ASMTL: variants seen among roughly 807,000 people sequenced by gnomAD.
ASMTL encodes the protein probable bifunctional dTTP/UTP pyrophosphatase/methyltransferase protein.
ASMTL carries 57 observed loss-of-function variants against 60.3 expected under a neutral mutation model. The observed-to-expected ratio is 0.95, with a 90% CI of 0.76 to 1.18. The LOEUF (loss-of-function observed/expected upper bound fraction) is 1.18. Ranked by LOEUF, ASMTL falls within the 50% of genes most tolerant of loss-of-function variation. ASMTL has a pLI of 0.00. For synonymous variants in ASMTL, 419 were observed against 373.0 expected (o/e 1.12, Z -1.42); for missense variants, 981 against 852.6 (o/e 1.15, Z -1.88).
At chrX:1,421,254 C>T (rs558912576) in intron 9 of ASMTL, among the ~76,000 whole-genome samples, 7 of 152,202 alleles carry the variant, frequency 4.6e-5, no homozygotes, top group African/African-American at 1.7e-4. Context: ...GCTCATGCCA[C>T]CATGCCCAGC....
At chrX:1,452,724 GC>G (rs754774516) in intron 1 of ASMTL, 23 bp downstream of exon 1, 2 of 1,568,158 alleles carry the variant, frequency 1.3e-6, no homozygotes, top group Admixed American at 1.8e-5. Flanking sequence ...CCGGTCCCCT[GC>G]CCCGCCCAGG....
chrX:1,412,795 G>A lies in ASMTL; in HGVS notation c.1582C>T (p.His528Tyr). The A allele has an allele frequency of 6.2e-7, 1 of 1,613,976 alleles. No individual in the cohort carries two copies. Among genetic ancestry groups the A allele is most frequent in the Non-Finnish European group, 8.5e-7 (1 of 1,179,854 alleles). Residue 528 changes from histidine (H) to tyrosine (Y), a missense_variant, in exon 12 of 13, where the codon CAT (histidine) becomes TAT (tyrosine). By Grantham distance (83) the His-to-Tyr change is moderately conservative. Transcript: ENST00000381317. Reference sequence around the variant, plus strand: ...TGGACTTTGTCGTCTGGCCAGTCATGCAGGATCCGGCACAGGACGTACAGC... The same window carrying A: ...TGGACTTTGTCGTCTGGCCAGTCATACAGGATCCGGCACAGGACGTACAGC... Reference protein sequence around the residue: ...AELYVLCRILHDWPDDKVHKL... With the variant: ...AELYVLCRILYDWPDDKVHKL...
rs1368394264 is a variant in ASMTL at position 1,418,078 on chromosome X, ACTCACGGGCCAG to A, written c.1405_1416del (p.Leu469_Glu472del). The A allele has an allele frequency of 6.2e-7, 1 of 1,612,316 alleles. No homozygotes were observed. Among genetic ancestry groups the A allele is most frequent in the East Asian group, 2.2e-5 (1 of 44,854 alleles). On this transcript the variant is annotated inframe_deletion, in exon 11 of 13. Transcript: ENST00000381317. Reference sequence around the variant, plus strand: ...AACACAGTCACCTGCATACGAGGGTACTCACGGGCCAGCTCTCGGGCCAGTGCACCCGTGCAG... The same window carrying A: ...AACACAGTCACCTGCATACGAGGGTACTCTCGGGCCAGTGCACCCGTGCAG...
rs767258476 is a variant in ASMTL at position 1,435,748 on chromosome X, C to A, written c.284G>T (p.Gly95Val). ...GTCCACCGGCTTCTCCAGAATCAGC[C>A]CCCCGACTGTCTGTGAGAGGAAGGG... ...IGADTIVTVG[G>V]LILEKPVDKQ... Residue 95 changes from glycine to valine, a missense_variant, in exon 4 of 13, where the codon GGG (glycine) becomes GTG (valine). By Grantham distance (109) the Gly-to-Val change is moderately radical. Transcript: ENST00000381317. 15 of 1,613,554 alleles carry A rather than the reference C, an allele frequency of 9.3e-6. No individual in the cohort carries two copies. In the African/African-American group the frequency reaches 1.6e-4, roughly 17 times the overall value.
rs182363752 is a variant in ASMTL at position 1,411,573 on chromosome X, G to C, written c.1645+1159C>G. Among the ~76,000 whole-genome samples, 349 of 152,242 alleles carry C rather than the reference G, an allele frequency of 2.3e-3. 1 individual carries two copies. The highest frequency in any genetic ancestry group is 4.6e-3 in the Admixed American group (70 of 15,284). ...AAGGCTTTGAGCCGAGATGGTGCGT[G>C]CTGTGTGTGTGTGCACGTGTGTCTG... On this transcript the variant is annotated intron_variant, in intron 12 of 12. Coordinates refer to ENST00000381317, the MANE Select transcript of ASMTL (RefSeq NM_004192.4).
At chrX:1,405,340 T>G (rs1391329496) in intron 12 of ASMTL, among the ~76,000 whole-genome samples, 2 of 150,710 alleles carry the variant, frequency 1.3e-5, no homozygotes, top group Non-Finnish European at 2.9e-5. Flanking sequence ...GTTAGGTGGA[T>G]GGATAGATGG....
In ASMTL at chrX:1,419,582, G is replaced by C. The variant is rs773207090; in HGVS notation, c.1246-468C>G. 9.2e-5 allele frequency among the ~76,000 whole-genome samples: 14 copies of C among 152,052 alleles called. No individual in the cohort carries two copies. In the South Asian group the frequency reaches 2.7e-3, roughly 29 times the overall value. On this transcript the variant is annotated intron_variant, in intron 9 of 12. Coordinates refer to ENST00000381317, the MANE Select transcript of ASMTL (RefSeq NM_004192.4). ...GTGTGCAGAGGAGAAGCTCCTCCGAGCTTCTCCAAGTCCCCCCAGTGGCAC... is the reference window on the plus strand; with the variant it reads ...GTGTGCAGAGGAGAAGCTCCTCCGACCTTCTCCAAGTCCCCCCAGTGGCAC...
In ASMTL at chrX:1,405,625, AATGG is replaced by A. The variant is rs1384182581; in HGVS notation, c.1646-2140_1646-2137del. 2.5e-5 allele frequency among the ~76,000 whole-genome samples: 3 copies of A among 120,446 alleles called. No individual in the cohort carries two copies. In the East Asian group the frequency reaches 8.1e-4, roughly 33 times the overall value. 79.0% of individuals were successfully genotyped at this position (120,446 alleles called of 152,430 possible). On this transcript the variant is annotated intron_variant, in intron 12 of 12. Coordinates refer to ENST00000381317, the MANE Select transcript of ASMTL (RefSeq NM_004192.4). ...TAGATGATGGGTAGGTAGATAGATGAATGGATGGATAGATGGATGCATGGATGAG... is the reference window on the plus strand; with the variant it reads ...TAGATGATGGGTAGGTAGATAGATGAATGGATAGATGGATGCATGGATGAG...
In ASMTL at chrX:1,410,346, C is replaced by G. The variant is rs771849598; in HGVS notation, c.1645+2386G>C. On this transcript the variant is annotated intron_variant, in intron 12 of 12. Coordinates refer to ENST00000381317, the MANE Select transcript of ASMTL (RefSeq NM_004192.4). ...GCTTGAGCCCAGGAGGTCAAGGCTG[C>G]AGTGAACTATGATGACAACACTGCA... is the stretch of plus-strand genomic sequence containing the variant. Among the ~76,000 whole-genome samples, 124 of 151,696 alleles carry G rather than the reference C, an allele frequency of 8.2e-4. 1 individual carries two copies. In the South Asian group the frequency reaches 8.5e-3, roughly 10 times the overall value.
chrX:1,438,294 AG>A (rs1404256713), intron 3 of ASMTL, among the ~76,000 whole-genome samples: 15 of 149,088 alleles, frequency 1.0e-4, no homozygotes, highest in African/African-American at 3.2e-4. Flanking sequence ...AAAAAAAAAA[AG>A]AAGAGGGAAA....
intron 1 of ASMTL, among the ~76,000 whole-genome samples, chrX:1,444,155 C>T (rs775457917): frequency 3.3e-4 from 50 of 152,212 alleles, no homozygotes; most frequent in Admixed American, 9.8e-4. Flanking sequence ...AGAAACATTC[C>T]GAGCCTGCGA....
At chrX:1,431,978 C>T (rs1430037805) in intron 6 of ASMTL, 10 of 473,996 alleles carry the variant, frequency 2.1e-5, no homozygotes, top group African/African-American at 1.8e-4. Flanking sequence ...TCTCCTCCTC[C>T]CACCACGTGA....
chrX:1,412,633 G>C, intron 12 of ASMTL, 99 bp downstream of exon 12: 1 of 1,540,004 alleles, frequency 6.5e-7, no homozygotes, highest in Non-Finnish European at 9.0e-7. Flanking sequence ...AAAGCGCTGG[G>C]ATGACAGGCG....
At chrX:1,415,302 G>A (rs1268313139) in intron 11 of ASMTL, among the ~76,000 whole-genome samples, 8 of 152,102 alleles carry the variant, frequency 5.3e-5, no homozygotes, top group South Asian at 2.1e-4. Flanking sequence ...ACACTGTGAC[G>A]GCTCTCGGGT....
chrX:1,447,560 C>T (rs1228012995), intron 1 of ASMTL, among the ~76,000 whole-genome samples: 2 of 150,830 alleles, frequency 1.3e-5, no homozygotes, highest in Non-Finnish European at 2.9e-5. Flanking sequence ...ACACACACGG[C>T]CATCTTGGAT....
At position 1,447,227 on chromosome X, in the gene ASMTL, A is replaced by T. The variant is rs370869754; in HGVS notation, c.94-4910T>A. 9.8e-5 allele frequency among the ~76,000 whole-genome samples: 15 copies of T among 152,378 alleles called. No individual in the cohort carries two copies. The South Asian group carries it at 2.7e-3, about 27-fold the overall frequency. On this transcript the variant is annotated intron_variant, in intron 1 of 12. Transcript: ENST00000381317. ...AGAACACACCACCCCTCGTCCTGTTATAACTAGAGGGTCTGGATTCACAGA... is the reference window on the plus strand; with the variant it reads ...AGAACACACCACCCCTCGTCCTGTTTTAACTAGAGGGTCTGGATTCACAGA...
chrX:1,422,886 G>C (rs2090518246), intron 8 of ASMTL, among the ~76,000 whole-genome samples: 1 of 152,048 alleles, frequency 6.6e-6, no homozygotes, highest in African/African-American at 2.4e-5. Context: ...AAAGGAGTTG[G>C]AACAAGCTTG....
chrX:1,425,421 A>AGGTG (rs2090590016), intron 8 of ASMTL, 104 bp downstream of exon 8: 1 of 1,285,432 alleles, frequency 7.8e-7, no homozygotes, highest in Admixed American at 2.4e-5. Flanking sequence ...GAGGGACAGA[A>AGGTG]GGTGTGGGCC....
At position 1,425,551 on chromosome X, in the gene ASMTL, A is replaced by G. The variant is rs1237619059; in HGVS notation, c.1034T>C (p.Met345Thr). ...MERLLDICAAMGLLEKTEQGY... is the reference protein window; with the variant it reads ...MERLLDICAATGLLEKTEQGY... ...TTGCTCTGTCTTCTCCAGGAGCCCC[A>G]TGGCAGCACAGATGTCCAGAAGCCT... Residue 345 changes from methionine (M) to threonine (T), a missense_variant, in exon 8 of 13, where the codon ATG becomes ACG. By Grantham distance (81) the Met-to-Thr change is moderately conservative. Transcript: ENST00000381317. 2 of 1,613,214 alleles carry G rather than the reference A, an allele frequency of 1.2e-6. No homozygotes were observed. The highest frequency in any genetic ancestry group is 1.3e-5 in the African/African-American group (1 of 74,924).
Sources: allele counts gnomAD v4.1 joint callset (sites outside exome capture counted in the v4.1 genomes callset), GRCh38; gene constraint gnomAD v4.1.1; transcripts MANE v1.5; gene names NCBI Gene and HGNC (gene_info 2026-07-23, HGNC 2026-07-21).